The following EIF3E variants were observed in gnomAD, a reference collection of about 807,000 sequenced individuals.
EIF3E encodes eIF-3 p48.
In EIF3E, 25 loss-of-function variants were observed where a neutral mutation model predicts 59.3. The ratio of observed to expected loss-of-function variants is 0.42; its 90% CI spans 0.31 to 0.59. The LOEUF is 0.59. Ranked by LOEUF, EIF3E falls within the 20% of genes least tolerant of loss-of-function variation. The pLI, the probability that EIF3E is intolerant of heterozygous loss-of-function variation, is 0.15. For synonymous variants in EIF3E, 176 were observed against 170.2 expected (o/e 1.03, Z -0.26); for missense variants, 317 against 534.3 (o/e 0.59, Z 4.01).
At chr8:108,214,783 A>G in intron 9 of EIF3E, 67 bp from the exon 10 acceptor site, 2 of 1,327,364 alleles carry the variant, frequency 1.5e-6, no homozygotes, top group Non-Finnish European at 2.1e-6. Context: ...TGAATCAAAT[A>G]CTTTATCTGC....
intron 10 of EIF3E, among the ~76,000 whole-genome samples, chr8:108,209,987 T>C (rs992388099): frequency 2.0e-5 from 3 of 151,900 alleles, no homozygotes; most frequent in Non-Finnish European, 4.4e-5. Flanking sequence ...ACATAGGGGG[T>C]CTTTTTATCA....
intron 10 of EIF3E, among the ~76,000 whole-genome samples, chr8:108,212,894 C>A (rs1307347061): frequency 1.3e-5 from 2 of 151,756 alleles, no homozygotes; most frequent in Non-Finnish European, 2.9e-5. Flanking sequence ...AATTGAAGAA[C>A]TGAAGTGAAA....
rs550297035 is a variant in EIF3E at position 108,216,308 on chromosome 8, G to C, written c.951+104C>G. On this transcript the variant is annotated intron_variant, in intron 9 of 12. Coordinates refer to ENST00000220849, the MANE Select transcript of EIF3E (RefSeq NM_001568.3). ...TTTTAAGATTAATAAGCATATTTCCGTTATAATTACTTCATTACTTTAAGG... is the reference window on the plus strand; with the variant it reads ...TTTTAAGATTAATAAGCATATTTCCCTTATAATTACTTCATTACTTTAAGG... 2.7e-4 allele frequency: 226 copies of C among 847,602 alleles called. 1 individual carries two copies. Among genetic ancestry groups the C allele is most frequent in the Non-Finnish European group, 3.1e-4 (173 of 555,450 alleles). The allele number at this position is 847,602 out of a possible 1,614,324, so 52.5% of individuals were successfully genotyped here.
At chr8:108,232,496 G>C (rs140656459) in intron 5 of EIF3E, among the ~76,000 whole-genome samples, 1 of 151,922 alleles carries the variant, frequency 6.6e-6, no homozygotes, top group Admixed American at 6.6e-5. Context: ...TTTTAAGACC[G>C]GGAATTAACT....
intron 10 of EIF3E, among the ~76,000 whole-genome samples, chr8:108,206,450 C>G (rs942097835): frequency 6.6e-6 from 1 of 152,162 alleles, no homozygotes; most frequent in African/African-American, 2.4e-5. Context: ...GATATTTAAT[C>G]TTAGATTTTT....
chr8:108,210,317 AT>A (rs1815182749), intron 10 of EIF3E, among the ~76,000 whole-genome samples: 1 of 152,184 alleles, frequency 6.6e-6, no homozygotes, highest in Non-Finnish European at 1.5e-5. Context: ...TCAAGCCTGC[AT>A]CACAGAGATT....
At chr8:108,217,280 AG>A (rs1815321380) in intron 8 of EIF3E, 53 bp downstream of exon 8, 1 of 1,354,486 alleles carries the variant, frequency 7.4e-7, no homozygotes, top group African/African-American at 1.5e-5. Context: ...AAAAGAGGTT[AG>A]ACCTAAAGCT....
At chr8:108,226,647 C>A (rs1815521857) in intron 7 of EIF3E, among the ~76,000 whole-genome samples, 1 of 152,162 alleles carries the variant, frequency 6.6e-6, no homozygotes, top group African/African-American at 2.4e-5. Context: ...ATCTATCTAA[C>A]TTTAATGTTT....
intron 7 of EIF3E, among the ~76,000 whole-genome samples, chr8:108,224,169 C>G (rs1296026787): frequency 6.6e-6 from 1 of 151,168 alleles, no homozygotes; most frequent in East Asian, 1.9e-4. Context: ...TTGAAGTGAG[C>G]CGAGATTGCG....
chr8:108,248,549 C>T, intron 1 of EIF3E, 64 bp downstream of exon 1: 6 of 1,557,618 alleles, frequency 3.9e-6, no homozygotes, highest in Non-Finnish European at 4.4e-6. Flanking sequence ...CAGACACCAC[C>T]TTTCGGCCTT....
intron 7 of EIF3E, among the ~76,000 whole-genome samples, chr8:108,221,795 T>TACACACACGCACAC (rs138121846): frequency 1.2e-4 from 18 of 147,042 alleles, no homozygotes; most frequent in African/African-American, 4.5e-4. Context: ...GCTGCCAGAC[T>TACACACACGCACAC]ACACACACAC....
At chr8:108,225,954 A>G (rs668663) in intron 7 of EIF3E, among the ~76,000 whole-genome samples, 27,820 of 152,138 alleles carry the variant, frequency 0.18, 2,857 homozygotes, top group Middle Eastern at 0.23. Context: ...GAAAATTTTT[A>G]ATTTGTTTTG....
Position 108,235,110 on chromosome 8 carries a change from G to GAAA in EIF3E, c.367-11_367-9dup. ...TAAATATTCCTGCCTAAACTAAAAA[G>GAAA]AAAAAAAAAAGATTAAGTTCTCTTT... On this transcript the variant is annotated splice_polypyrimidine_tract_variant and intron_variant, in intron 4 of 12. Transcript: ENST00000220849. 1 of 1,381,312 alleles carries GAAA rather than the reference G, an allele frequency of 7.2e-7. No homozygotes were observed. Among genetic ancestry groups the GAAA allele is most frequent in the Admixed American group, 2.5e-5 (1 of 40,568 alleles). The allele number at this position is 1,381,312 out of a possible 1,614,324, so 85.6% of individuals were successfully genotyped here. A position where few individuals can be genotyped will look rare whatever the true frequency, so the allele number is the denominator to read the frequency against.
chr8:108,220,635 G>C (rs1236031389), intron 7 of EIF3E, among the ~76,000 whole-genome samples: 1 of 152,222 alleles, frequency 6.6e-6, no homozygotes, highest in Non-Finnish European at 1.5e-5. Flanking sequence ...TGCTGCAAAA[G>C]TTAACTTCCA....
intron 10 of EIF3E, among the ~76,000 whole-genome samples, 177 bp downstream of exon 10, chr8:108,214,430 C>T (rs531254487): frequency 6.6e-6 from 1 of 152,172 alleles, no homozygotes; most frequent in Admixed American, 6.5e-5. Context: ...ACTATCTGAG[C>T]CTGTAGCAAA....
intron 10 of EIF3E, among the ~76,000 whole-genome samples, chr8:108,205,604 G>A (rs142511822): frequency 2.0e-3 from 305 of 152,264 alleles, no homozygotes; most frequent in African/African-American, 5.3e-3. Context: ...GCTTTAAATT[G>A]TAAACTGTTC....
intron 1 of EIF3E, among the ~76,000 whole-genome samples, chr8:108,245,337 C>T (rs1272220917): frequency 3.3e-5 from 5 of 152,024 alleles, no homozygotes; most frequent in Admixed American, 6.6e-5. Flanking sequence ...GACATGGTGG[C>T]GCACACCTGT....
At position 108,241,926 on chromosome 8, in the gene EIF3E, A is replaced by G. The variant is rs1815844142; in HGVS notation, c.91-13T>C. On this transcript the variant is annotated splice_polypyrimidine_tract_variant and intron_variant, in intron 1 of 12. Coordinates refer to ENST00000220849, the MANE Select transcript of EIF3E (RefSeq NM_001568.3). ...TTTCATTATATATCTGCAAAAGAAGATAACTTTCTAATGAATATATTTAAG... is the reference window on the plus strand; with the variant it reads ...TTTCATTATATATCTGCAAAAGAAGGTAACTTTCTAATGAATATATTTAAG... The G allele has an allele frequency of 2.6e-6, 4 of 1,511,272 alleles. No individual in the cohort carries two copies. The highest frequency in any genetic ancestry group is 2.4e-5 in the South Asian group (2 of 82,378). 93.6% of individuals were successfully genotyped at this position (1,511,272 alleles called of 1,614,324 possible).
rs201807613 is a variant in EIF3E at position 108,229,160 on chromosome 8, G to C, written c.507C>G (p.Leu169=). 20 of 1,613,518 alleles carry C rather than the reference G, an allele frequency of 1.2e-5. No homozygotes were observed. Among genetic ancestry groups the C allele is most frequent in the Admixed American group, 3.3e-5 (2 of 59,994 alleles). Reference sequence around the variant, plus strand: ...AGATTTCAGAGGCCAGCTTTCCCCAGAGTGAACTTAAAGCATTTCTATCTG... The same window carrying C: ...AGATTTCAGAGGCCAGCTTTCCCCACAGTGAACTTAAAGCATTTCTATCTG... ...PATDRNALSS[L]WGKLASEILM... The change falls in exon 6 of 13, where the codon CTC becomes CTG. Residue 169 remains leucine (L), a synonymous_variant. Transcript: ENST00000220849.
Sources: gnomAD v4.1 joint callset for allele counts (sites outside exome capture counted in the v4.1 genomes callset) on GRCh38, gnomAD v4.1.1 for gene constraint, MANE v1.5 for transcripts, NCBI Gene and HGNC (gene_info 2026-07-23, HGNC 2026-07-21) for gene names.